The following NCAM2 variants were observed in gnomAD, a reference collection of about 807,000 sequenced individuals.
The protein encoded by NCAM2 is N-CAM-2.
Under a neutral mutation model 98.1 loss-of-function variants are expected in NCAM2, and 30 were observed. The ratio of observed to expected loss-of-function variants is 0.31; its 90% CI spans 0.23 to 0.41. NCAM2 has a LOEUF of 0.41. Among genes scored for constraint, NCAM2 ranks in the 10% least tolerant of loss-of-function variants. NCAM2 has a pLI of 1.00. For synonymous variants in NCAM2, 368 were observed against 342.4 expected (o/e 1.07, Z -0.83); for missense variants, 867 against 1,005.8 (o/e 0.86, Z 1.87).
At chr21:21,227,470 A>T (rs1489391370) in intron 1 of NCAM2, among the ~76,000 whole-genome samples, 8 of 151,844 alleles carry the variant, frequency 5.3e-5, no homozygotes, top group Non-Finnish European at 1.5e-5. Context: ...TAATAACAAG[A>T]TATGTTTATT....
At chr21:21,338,619 A>C in intron 8 of NCAM2, 85 bp downstream of exon 8, 1 of 1,291,022 alleles carries the variant, frequency 7.7e-7, no homozygotes, top group Non-Finnish European at 1.0e-6. Context: ...TTAGTCTCCA[A>C]TTTACCTAGT....
intron 15 of NCAM2, among the ~76,000 whole-genome samples, chr21:21,508,392 T>A (rs1214956291): frequency 1.3e-5 from 2 of 152,146 alleles, no homozygotes; most frequent in Non-Finnish European, 2.9e-5. Flanking sequence ...AAAACTAACA[T>A]AATCTCATAT....
chr21:21,513,876 G>A (rs928066147), intron 16 of NCAM2, among the ~76,000 whole-genome samples: 7 of 151,992 alleles, frequency 4.6e-5, no homozygotes, highest in Non-Finnish European at 4.4e-5. Context: ...GTTTTCCAAT[G>A]TTGGGTGCAT....
chr21:21,067,192 CTTAA>C (rs1042729608), intron 1 of NCAM2, among the ~76,000 whole-genome samples: 3 of 138,520 alleles, frequency 2.2e-5, no homozygotes, highest in Admixed American at 7.0e-5. Context: ...AAAGGCAAAA[CTTAA>C]TTGATTGTAA....
At chr21:21,410,138 GAA>G (rs112122491) in intron 9 of NCAM2, 134 bp from the exon 10 acceptor site, 251 of 452,944 alleles carry the variant, frequency 5.5e-4, no homozygotes, top group East Asian at 2.4e-3. Context: ...GTCTCAAAAA[GAA>G]AAAAAAAAAA....
At chr21:21,309,619 C>T (rs2063907720) in intron 5 of NCAM2, among the ~76,000 whole-genome samples, 2 of 152,138 alleles carry the variant, frequency 1.3e-5, no homozygotes, top group African/African-American at 2.4e-5. Flanking sequence ...TCTGGAGGCT[C>T]CAGGGTTAAT....
chr21:21,430,898 T>G (rs1326809052), intron 11 of NCAM2, among the ~76,000 whole-genome samples: 4 of 151,450 alleles, frequency 2.6e-5, no homozygotes, highest in Non-Finnish European at 5.9e-5. Flanking sequence ...ATACAAAAAT[T>G]AGCTGGGCGT....
At chr21:21,374,585 G>A (rs575306109) in intron 9 of NCAM2, among the ~76,000 whole-genome samples, 2 of 151,916 alleles carry the variant, frequency 1.3e-5, no homozygotes, top group African/African-American at 4.8e-5. Flanking sequence ...TGGGAAATGG[G>A]AGGGCTAATG....
rs12627015 is a variant in NCAM2, at chr21:21,281,675, A to G, written c.130+1023A>G. On this transcript the variant is annotated intron_variant, in intron 2 of 17. Coordinates refer to ENST00000400546, the MANE Select transcript of NCAM2 (RefSeq NM_004540.5). ...TACAAGTCTTCATATCCAAACTATG[A>G]TATACCTAAATAATTTTTTAAACCT... Among the ~76,000 whole-genome samples the G allele has an allele frequency of 0.015, 2,325 of 152,084 alleles. 69 individuals are homozygous for G. The East Asian group carries it at 0.16, about 10-fold the overall frequency.
chr21:21,356,491 TTTTG>T (rs2075482989), intron 8 of NCAM2, among the ~76,000 whole-genome samples: 1 of 152,114 alleles, frequency 6.6e-6, no homozygotes, highest in South Asian at 2.1e-4. Context: ...ACATTATATT[TTTTG>T]TTTCTTTTTT....
chr21:21,017,062 A>G (rs760666210), intron 1 of NCAM2, among the ~76,000 whole-genome samples: 2 of 152,226 alleles, frequency 1.3e-5, no homozygotes, highest in Non-Finnish European at 2.9e-5. Flanking sequence ...GTAGGAGAAT[A>G]ACATTTTCAA....
At chr21:21,341,736 A>G (rs1020081020) in intron 8 of NCAM2, among the ~76,000 whole-genome samples, 1 of 150,754 alleles carries the variant, frequency 6.6e-6, no homozygotes, top group African/African-American at 2.4e-5. Context: ...TAAGTTCTCA[A>G]TCACCAGATA....
intron 1 of NCAM2, among the ~76,000 whole-genome samples, chr21:21,034,054 G>C (rs34640933): frequency 0.16 from 24,325 of 147,946 alleles, 2,437 homozygotes; most frequent in Non-Finnish European, 0.23. Context: ...ATAGGCAAAG[G>C]GGGGGGGGAA....
rs945160867 is a variant in NCAM2 at position 21,542,922 on chromosome 21, A to G, written c.*4965A>G. 1.3e-5 allele frequency: 2 copies of G among 151,886 alleles called. No homozygotes were observed. The highest frequency in any genetic ancestry group is 4.8e-5 in the African/African-American group (2 of 41,406). The allele number at this position is 151,886 out of a possible 1,614,324, so 9.4% of individuals were successfully genotyped here. On this transcript the variant is annotated 3_prime_UTR_variant, in exon 18 of 18. Coordinates refer to ENST00000400546, the MANE Select transcript of NCAM2 (RefSeq NM_004540.5). ...AAATGATACTATTAAGAACAAACCT[A>G]CTTGTTCCAACTCTTAAAGAAATAT...
Position 21,222,473 on chromosome 21 carries a change from G to C in NCAM2, c.56-58105G>C, listed in dbSNP as rs189311471. Among the ~76,000 whole-genome samples, 15 of 152,214 alleles carry C rather than the reference G, an allele frequency of 9.9e-5. No homozygotes were observed. In the East Asian group the frequency reaches 2.7e-3, roughly 27 times the overall value. On this transcript the variant is annotated intron_variant, in intron 1 of 17. Transcript: ENST00000400546. ...ATGCATGGGAAGAAGTCAAAATGTC[G>C]TTAGTAACAGGAGTTAGGAATAAGT...
intron 1 of NCAM2, among the ~76,000 whole-genome samples, chr21:21,064,901 T>C (rs2065401208): frequency 6.6e-6 from 1 of 151,632 alleles, no homozygotes; most frequent in Non-Finnish European, 1.5e-5. Context: ...CTTCCAAGGG[T>C]GGGCGCAGTG....
intron 12 of NCAM2, 147 bp from the exon 13 acceptor site, chr21:21,466,459 A>T (rs553529787): frequency 1.8e-6 from 1 of 567,314 alleles, no homozygotes; most frequent in Non-Finnish European, 2.8e-6. Context: ...TGACTTATCT[A>T]TTTTTTAGGT....
chr21:21,296,364 G>C (rs550298961), intron 5 of NCAM2, among the ~76,000 whole-genome samples: 1 of 151,768 alleles, frequency 6.6e-6, no homozygotes, highest in Non-Finnish European at 1.5e-5. Context: ...TAGGAGAATA[G>C]GGCAATAATA....
intron 16 of NCAM2, among the ~76,000 whole-genome samples, chr21:21,519,141 T>C (rs754064679): frequency 1.3e-5 from 2 of 152,050 alleles, no homozygotes; most frequent in African/African-American, 4.8e-5. Context: ...AAATATCAGA[T>C]TGGGAAATTA....
Sources: gnomAD v4.1 joint callset for allele counts (sites outside exome capture counted in the v4.1 genomes callset) on GRCh38, gnomAD v4.1.1 for gene constraint, MANE v1.5 for transcripts, NCBI Gene and HGNC (gene_info 2026-07-23, HGNC 2026-07-21) for gene names.